COMMD1: variants seen among roughly 807,000 people sequenced by gnomAD.
The protein encoded by COMMD1 is copper metabolism domain containing 1.
In COMMD1, 10 loss-of-function variants were observed where a neutral mutation model predicts 17.2. The observed-to-expected ratio is 0.58, with a 90% CI of 0.36 to 0.99. The LOEUF is 0.99. COMMD1 is among the 50% of genes least tolerant of loss of function. The pLI, the probability that COMMD1 is intolerant of heterozygous loss-of-function variation, is 0.01. For synonymous variants in COMMD1, 97 were observed against 91.6 expected, an observed-to-expected ratio of 1.06 and a Z score of -0.34; for missense variants, 270 against 231.8, an observed-to-expected ratio of 1.17 and a Z score of -1.07.
At chr2:61,992,116 G>T (rs768427501) in intron 1 of COMMD1, among the ~76,000 whole-genome samples, 1 of 152,138 alleles carries the variant, frequency 6.6e-6, no homozygotes, top group Non-Finnish European at 1.5e-5. Context: ...TCAGATGCTT[G>T]TACCTATACA....
intron 1 of COMMD1, among the ~76,000 whole-genome samples, chr2:61,892,298 TTGTC>T (rs1180300514): frequency 6.6e-6 from 1 of 152,034 alleles, no homozygotes; most frequent in Non-Finnish European, 1.5e-5. Context: ...CAATAATACT[TTGTC>T]AGCCATCCAA....
intron 2 of COMMD1, among the ~76,000 whole-genome samples, chr2:62,113,205 A>G (rs1304074127): frequency 2.0e-5 from 3 of 151,746 alleles, no homozygotes; most frequent in Admixed American, 2.0e-4. Context: ...AAAAAAAATT[A>G]GCTGGATGTC....
chr2:61,976,034 CAGTT>C (rs1459719003), intron 1 of COMMD1, among the ~76,000 whole-genome samples: 5 of 151,980 alleles, frequency 3.3e-5, no homozygotes, highest in African/African-American at 9.7e-5. Flanking sequence ...CTGGATCTGT[CAGTT>C]ACTGATAGAA....
chr2:61,911,156 G>C (rs1293850362), intron 1 of COMMD1, among the ~76,000 whole-genome samples: 2 of 150,184 alleles, frequency 1.3e-5, no homozygotes, highest in African/African-American at 4.9e-5. Context: ...ATATACTCTA[G>C]TACTCATTTA....
chr2:61,930,331 G>A (rs1472535231), intron 1 of COMMD1, among the ~76,000 whole-genome samples: 1 of 152,168 alleles, frequency 6.6e-6, no homozygotes, highest in African/African-American at 2.4e-5. Context: ...GCCGAGGCAG[G>A]CGGATCATGA....
At chr2:62,010,316 A>G (rs1464201754) in intron 2 of COMMD1, among the ~76,000 whole-genome samples, 1 of 151,798 alleles carries the variant, frequency 6.6e-6, no homozygotes, top group Admixed American at 6.6e-5. Context: ...TTCTTTTAAA[A>G]TCTCTTTTGC....
chr2:62,000,828 CAAA>C lies in COMMD1; in HGVS notation c.311_313del (p.Lys104del). ...TCCAAATTCTGGAAGAGCCACAAGA[CAAA>C]AATCCGTGAGAGCCTCATGAACCAG... On this transcript the variant is annotated inframe_deletion, in exon 2 of 3. Coordinates refer to ENST00000311832, the MANE Select transcript of COMMD1 (RefSeq NM_152516.4). 6.2e-7 allele frequency: 1 copy of C among 1,614,084 alleles called. No homozygotes were observed. The highest frequency in any genetic ancestry group is 8.5e-7 in the Non-Finnish European group (1 of 1,180,010).
chr2:61,922,212 A>G (rs542566142), intron 1 of COMMD1, among the ~76,000 whole-genome samples: 1 of 152,234 alleles, frequency 6.6e-6, no homozygotes, highest in African/African-American at 2.4e-5. Context: ...GGGCCAATGC[A>G]GGGAAGATTC....
Position 62,000,973 on chromosome 2 carries a change from A to G in COMMD1, c.453A>G (p.Lys151=), listed in dbSNP as rs1668923138. Residue 151 remains lysine, a synonymous_variant, in exon 2 of 3, where the codon AAA becomes AAG. Transcript: ENST00000311832. ...PVAIIELELG[K]YGQESEFLCL... ...CCATTATAGAGCTGGAATTAGGCAA[A>G]TATGGACAGGTGAGTTAAACTTAAG... The G allele has an allele frequency of 8.1e-6, 13 of 1,613,074 alleles. No individual in the cohort carries two copies. The highest frequency in any genetic ancestry group is 1.0e-5 in the Non-Finnish European group (12 of 1,180,014).
At chr2:61,951,916 C>T (rs1425368610) in intron 1 of COMMD1, among the ~76,000 whole-genome samples, 3 of 152,224 alleles carry the variant, frequency 2.0e-5, no homozygotes, top group Non-Finnish European at 4.4e-5. Context: ...TAGCTACCTT[C>T]ACTCAGCATA....
intron 1 of COMMD1, among the ~76,000 whole-genome samples, chr2:61,999,621 G>T (rs1227166558): frequency 1.3e-5 from 2 of 151,988 alleles, no homozygotes; most frequent in East Asian, 1.9e-4. Flanking sequence ...TAGAGACAGG[G>T]TCTTGCTGTG....
chr2:62,059,940 T>C (rs1670811372), intron 2 of COMMD1, among the ~76,000 whole-genome samples: 1 of 147,318 alleles, frequency 6.8e-6, no homozygotes, highest in East Asian at 2.0e-4. Flanking sequence ...GCTTAATGAA[T>C]TTTGGGGGGG....
chr2:61,995,097 A>AT (rs1558553201), intron 1 of COMMD1, among the ~76,000 whole-genome samples: 3 of 26,206 alleles, frequency 1.1e-4, no homozygotes, highest in Non-Finnish European at 1.9e-4. Context: ...TTCAGCTTAA[A>AT]ATTTTTTTTT....
At chr2:62,104,775 A>G (rs1328841652) in intron 2 of COMMD1, among the ~76,000 whole-genome samples, 1 of 152,208 alleles carries the variant, frequency 6.6e-6, no homozygotes, top group Non-Finnish European at 1.5e-5. Context: ...TGCTAGAGAT[A>G]AAACTATAAA....
intron 1 of COMMD1, among the ~76,000 whole-genome samples, chr2:61,998,596 G>C (rs1229446523): frequency 1.3e-5 from 2 of 152,158 alleles, no homozygotes. Flanking sequence ...GTGCACTGGA[G>C]TAGCACTTTT....
At chr2:62,118,437 AC>A (rs1672659936) in intron 2 of COMMD1, 1 of 152,222 alleles carries the variant, frequency 6.6e-6, no homozygotes, top group African/African-American at 2.4e-5. Context: ...TCTGTCTAAC[AC>A]CACCTCCAGA....
chr2:62,061,880 A>G (rs926803924), intron 2 of COMMD1, among the ~76,000 whole-genome samples: 1 of 151,748 alleles, frequency 6.6e-6, no homozygotes, highest in Non-Finnish European at 1.5e-5. Context: ...TTGTCAGTCT[A>G]TTAATACTAA....
chr2:62,000,050 G>A (rs1267378339), intron 1 of COMMD1, among the ~76,000 whole-genome samples: 1 of 151,396 alleles, frequency 6.6e-6, no homozygotes, highest in African/African-American at 2.4e-5. Flanking sequence ...AGCCTCCCGA[G>A]TAGCTGGGAC....
At chr2:61,967,754 A>G (rs1314866768) in intron 1 of COMMD1, among the ~76,000 whole-genome samples, 1 of 152,234 alleles carries the variant, frequency 6.6e-6, no homozygotes, top group Non-Finnish European at 1.5e-5. Context: ...TCAGAGTATC[A>G]TCTTTTTCTT....
Sources: gnomAD v4.1 joint callset for allele counts (sites outside exome capture counted in the v4.1 genomes callset) on GRCh38, gnomAD v4.1.1 for gene constraint, MANE v1.5 for transcripts, NCBI Gene and HGNC (gene_info 2026-07-23, HGNC 2026-07-21) for gene names.